Variants in GNB1 observed in about 807,000 individuals in gnomAD.
GNB1 encodes G protein subunit beta 1, also known as guanine nucleotide-binding protein G(I)/G(S)/G(T) subunit beta-1.
Under a neutral mutation model 42.9 loss-of-function variants are expected in GNB1, and 2 were observed. The observed-to-expected ratio is 0.05, with a 90% CI of 0.02 to 0.15. GNB1 has a LOEUF of 0.15. GNB1 is among the 10% of genes least tolerant of loss of function. The pLI, the probability that GNB1 is intolerant of heterozygous loss-of-function variation, is 1.00. For synonymous variants in GNB1, 183 were observed against 174.7 expected, an observed-to-expected ratio of 1.05 and a Z score of -0.38; for missense variants, 193 against 462.2, an observed-to-expected ratio of 0.42 and a Z score of 5.34.
chr1:1,877,834 C>T (rs541500895), intron 1 of GNB1, among the ~76,000 whole-genome samples: 1 of 152,254 alleles, frequency 6.6e-6, no homozygotes, highest in East Asian at 1.9e-4. Flanking sequence ...GCAAGATTAA[C>T]TGGGTGTTGA....
chr1:1,851,283 G>A (rs1325407893), intron 1 of GNB1, among the ~76,000 whole-genome samples: 1 of 152,102 alleles, frequency 6.6e-6, no homozygotes, highest in Non-Finnish European at 1.5e-5. Flanking sequence ...GGTGGTGCAT[G>A]CCTGTAATTC....
chr1:1,847,679 T>G (rs1358120392), intron 1 of GNB1, among the ~76,000 whole-genome samples: 1 of 152,086 alleles, frequency 6.6e-6, no homozygotes, highest in Non-Finnish European at 1.5e-5. Flanking sequence ...CCTGAAACAA[T>G]CAACTCCTGC....
At chr1:1,813,522 G>A (rs1038250997) in intron 5 of GNB1, among the ~76,000 whole-genome samples, 14 of 152,082 alleles carry the variant, frequency 9.2e-5, no homozygotes, top group African/African-American at 1.7e-4. Flanking sequence ...TCACTCTGCC[G>A]TGCAGGCTGA....
At chr1:1,845,824 TACACACACACACACACACAC>T (rs55953457) in intron 1 of GNB1, among the ~76,000 whole-genome samples, 7 of 140,280 alleles carry the variant, frequency 5.0e-5, no homozygotes, top group Admixed American at 4.4e-4. Context: ...TGTAAGTCCA[TACACACACACACACACACAC>T]ACACACACAC....
intron 1 of GNB1, among the ~76,000 whole-genome samples, chr1:1,847,343 AG>A (rs1313196191): frequency 6.6e-6 from 1 of 151,756 alleles, no homozygotes; most frequent in East Asian, 1.9e-4. Context: ...CTTTGTCTGC[AG>A]TCAGGAAGTA....
In GNB1 at chr1:1,790,802, G is replaced by A. The variant is rs533805363; in HGVS notation, c.498-206C>T. Among the ~76,000 whole-genome samples the A allele has an allele frequency of 1.7e-4, 26 of 152,304 alleles. No individual in the cohort carries two copies. The East Asian group carries it at 3.7e-3, about 21-fold the overall frequency. On this transcript the variant is annotated intron_variant, in intron 8 of 11. Transcript: ENST00000378609. The surrounding 1 kb of genome is among the most constrained non-coding windows in gnomAD (Gnocchi z 5.4). Reference sequence around the variant, plus strand: ...AGCAAAGCAAGCAAAATTATACAGAGATGAGCACAGGGCCTGGGCTTCAGA... The same window carrying A: ...AGCAAAGCAAGCAAAATTATACAGAAATGAGCACAGGGCCTGGGCTTCAGA...
chr1:1,831,057 C>T (rs962953165), intron 2 of GNB1, among the ~76,000 whole-genome samples: 22 of 151,984 alleles, frequency 1.4e-4, no homozygotes, highest in African/African-American at 5.3e-4. Flanking sequence ...CCCACATACT[C>T]GGGAGGCTTA....
chr1:1,867,084 T>C (rs888068585), intron 1 of GNB1, among the ~76,000 whole-genome samples: 1 of 151,936 alleles, frequency 6.6e-6, no homozygotes, highest in African/African-American at 2.4e-5. Context: ...CTGGCCAACA[T>C]GGCGAAACCC....
At chr1:1,887,810 T>TCGC (rs1650240286) in intron 1 of GNB1, among the ~76,000 whole-genome samples, 1 of 152,130 alleles carries the variant, frequency 6.6e-6, no homozygotes, top group South Asian at 2.1e-4. Flanking sequence ...ATACGAGGTT[T>TCGC]CGCTATGTTG....
intron 1 of GNB1, among the ~76,000 whole-genome samples, chr1:1,845,821 C>CCATA (rs1226527280): frequency 4.2e-5 from 4 of 96,230 alleles, no homozygotes; most frequent in African/African-American, 9.1e-5. Context: ...GTGTGTAAGT[C>CCATA]CATACACACA....
rs1570640771 is a variant in GNB1, at chr1:1,804,540, A to G, written c.309T>C (p.Cys103=). ...CATAGTTCCCAGAAGGGGCATATGC[A>G]CAGGTCATGACCCAGGAGGAGCGCA... ...IPLRSSWVMT[C]AYAPSGNYVA... The change falls in exon 7 of 12, where the codon TGT becomes TGC. Residue 103 remains cysteine, a synonymous_variant. Coordinates refer to ENST00000378609, the MANE Select transcript of GNB1 (RefSeq NM_002074.5). The G allele has an allele frequency of 6.2e-7, 1 of 1,613,542 alleles. No homozygotes were observed. Among genetic ancestry groups the G allele is most frequent in the South Asian group, 1.1e-5 (1 of 91,054 alleles).
chr1:1,823,217 G>A (rs1218088335), intron 3 of GNB1, among the ~76,000 whole-genome samples: 1 of 147,484 alleles, frequency 6.8e-6, no homozygotes, highest in East Asian at 2.0e-4. Context: ...ACTCCAGCCT[G>A]GGGAACAGGG....
At chr1:1,839,384 G>A (rs1299329561) in intron 1 of GNB1, 146 bp from the exon 2 acceptor site, 1 of 152,050 alleles carries the variant, frequency 6.6e-6, no homozygotes, top group East Asian at 1.9e-4. Context: ...GCTTTATTTA[G>A]CAGTACTGTC....
chr1:1,812,022 C>T (rs1054195116), intron 5 of GNB1, among the ~76,000 whole-genome samples: 26 of 151,728 alleles, frequency 1.7e-4, no homozygotes, highest in African/African-American at 6.3e-4. Flanking sequence ...GCCGAGATCG[C>T]ACCACTGCAG....
chr1:1,795,579 C>T (rs915695682), intron 7 of GNB1, among the ~76,000 whole-genome samples: 1 of 152,112 alleles, frequency 6.6e-6, no homozygotes. Flanking sequence ...GAAACCCCGT[C>T]TCTACTAAAA....
At chr1:1,795,374 A>G (rs1646532498) in intron 7 of GNB1, among the ~76,000 whole-genome samples, 1 of 152,160 alleles carries the variant, frequency 6.6e-6, no homozygotes, top group Non-Finnish European at 1.5e-5. Flanking sequence ...GAATGTGAGC[A>G]CAGAAGGGCA....
intron 1 of GNB1, among the ~76,000 whole-genome samples, chr1:1,862,195 TG>T (rs1648669429): frequency 6.6e-6 from 1 of 152,202 alleles, no homozygotes; most frequent in Non-Finnish European, 1.5e-5. Flanking sequence ...GCACTCCGCC[TG>T]GGTAACAGAG....
At chr1:1,880,875 G>C (rs1214990546) in intron 1 of GNB1, among the ~76,000 whole-genome samples, 1 of 152,114 alleles carries the variant, frequency 6.6e-6, no homozygotes, top group Non-Finnish European at 1.5e-5. Context: ...CAGACTGCCT[G>C]TGTCCATGGA....
intron 4 of GNB1, 106 bp downstream of exon 4, chr1:1,817,731 C>A (rs567282331): frequency 1.4e-6 from 1 of 724,606 alleles, no homozygotes; most frequent in South Asian, 1.6e-5. Context: ...GGCATCCTCA[C>A]TGCGCAACAG....
Sources: allele counts gnomAD v4.1 joint callset (sites outside exome capture counted in the v4.1 genomes callset), GRCh38; gene constraint gnomAD v4.1.1; non-coding constraint Gnocchi (gnomAD v3.1); transcripts MANE v1.5; gene names NCBI Gene and HGNC (gene_info 2026-07-23, HGNC 2026-07-21).